The following SPRED2 variants were observed in gnomAD, a reference collection of about 807,000 sequenced individuals.
The protein encoded by SPRED2 is sprouty-related, EVH1 domain-containing protein 2.
SPRED2 carries 47 observed loss-of-function variants against 43.0 expected under a neutral mutation model. The ratio of observed to expected loss-of-function variants is 1.09; its 90% CI spans 0.87 to 1.40. The LOEUF (loss-of-function observed/expected upper bound fraction) is 1.40. Ranked by LOEUF, SPRED2 falls within the 40% of genes most tolerant of loss-of-function variation. SPRED2 has a pLI of 0.00. For synonymous variants in SPRED2, 225 were observed against 225.7 expected, an observed-to-expected ratio of 1.00 and a Z score of 0.03; for missense variants, 561 against 586.4, an observed-to-expected ratio of 0.96 and a Z score of 0.45.
At position 65,311,915 on chromosome 2, in the gene SPRED2, A is replaced by G. The variant is rs537471380; in HGVS notation, c.*1586T>C. On this transcript the variant is annotated 3_prime_UTR_variant, in exon 6 of 6. Coordinates refer to ENST00000356388, the MANE Select transcript of SPRED2 (RefSeq NM_181784.3). ...CTTGAAGACTGGTGTCCTGTGTGCA[A>G]TAAAGAAGGAGTGGGGAAAGGGAGT... 194 of 985,412 alleles carry G rather than the reference A, an allele frequency of 2.0e-4. 1 individual carries two copies. In the South Asian group the frequency reaches 7.7e-3, roughly 39 times the overall value. 61.0% of individuals were successfully genotyped at this position (985,412 alleles called of 1,614,324 possible). A position where few individuals can be genotyped will look rare whatever the true frequency, so the allele number is the denominator to read the frequency against.
At chr2:65,407,187 A>C (rs565150848) in intron 1 of SPRED2, among the ~76,000 whole-genome samples, 1 of 150,332 alleles carries the variant, frequency 6.7e-6, no homozygotes, top group South Asian at 2.1e-4. Context: ...TTGGCCTCCC[A>C]AAGTGCTGGA....
At chr2:65,394,412 C>CA (rs1443839447) in intron 1 of SPRED2, among the ~76,000 whole-genome samples, 1 of 152,162 alleles carries the variant, frequency 6.6e-6, no homozygotes, top group Non-Finnish European at 1.5e-5. Flanking sequence ...TGGACAGGAA[C>CA]AAGGGCTTAA....
chr2:65,387,626 TAG>T (rs1491301191), intron 1 of SPRED2, among the ~76,000 whole-genome samples: 1 of 152,184 alleles, frequency 6.6e-6, no homozygotes, highest in African/African-American at 2.4e-5. Context: ...GAAGATACTA[TAG>T]AGTTTGGTTA....
chr2:65,347,727 T>G (rs1372847766), intron 1 of SPRED2, among the ~76,000 whole-genome samples: 1 of 152,190 alleles, frequency 6.6e-6, no homozygotes, highest in Admixed American at 6.5e-5. Flanking sequence ...TTCAGGCCAG[T>G]AGAACCAAGG....
rs139533024 is a variant in SPRED2 at position 65,334,616 on chromosome 2, T to C, written c.362A>G (p.Asp121Gly). 3.1e-6 allele frequency: 5 copies of C among 1,614,060 alleles called. No individual in the cohort carries two copies. The African/African-American group carries it at 6.7e-5, about 22-fold the overall frequency. Residue 121 changes from aspartate (D) to glycine (G), a missense_variant, in exon 3 of 6, where the codon GAC (aspartate) becomes GGC (glycine). This residue lies in a region of SPRED2 where 305 missense variants were observed against 282.4 expected (regional missense o/e 1.08). Coordinates refer to ENST00000356388, the MANE Select transcript of SPRED2 (RefSeq NM_181784.3). ...GACAAGTTCAATACCTTCTATAAGGTCTTCGATTGCTTTCCTTACTCCCCT... is the reference window on the plus strand; with the variant it reads ...GACAAGTTCAATACCTTCTATAAGGCCTTCGATTGCTTTCCTTACTCCCCT... ...FDRGVRKAIE[D>G]LIEGSTTSSS... is the part of the protein sequence containing the mutation.
At chr2:65,326,851 T>C (rs185626724) in intron 4 of SPRED2, among the ~76,000 whole-genome samples, 67 of 152,230 alleles carry the variant, frequency 4.4e-4, no homozygotes, top group African/African-American at 1.5e-3. Context: ...AAAAACAATT[T>C]TTTTTTTGAG....
intron 1 of SPRED2, among the ~76,000 whole-genome samples, chr2:65,401,578 G>C: frequency 6.6e-6 from 1 of 151,588 alleles, no homozygotes. Flanking sequence ...GGCAGATCAT[G>C]AGGCCAGGAG....
intron 1 of SPRED2, chr2:65,380,698 G>A (rs1675351968): frequency 6.6e-6 from 1 of 152,118 alleles, no homozygotes; most frequent in African/African-American, 2.4e-5. Context: ...TTCTGAAAAT[G>A]TTTCCAGTAA....
At chr2:65,332,148 C>A (rs1304772185) in intron 3 of SPRED2, 97 bp from the exon 4 acceptor site, 4 of 700,670 alleles carry the variant, frequency 5.7e-6, no homozygotes, top group Non-Finnish European at 9.2e-6. Flanking sequence ...ACATTCCATT[C>A]TTTTTGCATG....
chr2:65,386,780 G>A (rs1277611447), intron 1 of SPRED2, among the ~76,000 whole-genome samples: 1 of 152,022 alleles, frequency 6.6e-6, no homozygotes, highest in African/African-American at 2.4e-5. Flanking sequence ...AGAAGTCTTG[G>A]GCATAAAAGC....
At chr2:65,416,051 G>C (rs1676264816) in intron 1 of SPRED2, among the ~76,000 whole-genome samples, 2 of 152,330 alleles carry the variant, frequency 1.3e-5, no homozygotes, top group South Asian at 4.1e-4. Flanking sequence ...ATACTGCCCA[G>C]GTTGGTTGCA....
intron 1 of SPRED2, among the ~76,000 whole-genome samples, chr2:65,362,749 T>G (rs1281467914): frequency 6.6e-6 from 1 of 151,890 alleles, no homozygotes; most frequent in African/African-American, 2.4e-5. Flanking sequence ...TCCTAGCTAC[T>G]TGGGAGGCTG....
chr2:65,401,810 T>A (rs559175516), intron 1 of SPRED2, among the ~76,000 whole-genome samples: 174 of 150,558 alleles, frequency 1.2e-3, no homozygotes, highest in African/African-American at 4.2e-3. Flanking sequence ...AAAAAATAAA[T>A]AAATAAATAA....
intron 5 of SPRED2, 58 bp downstream of exon 5, chr2:65,316,676 C>T: frequency 6.4e-7 from 1 of 1,556,004 alleles, no homozygotes; most frequent in East Asian, 2.3e-5. Flanking sequence ...GGAAAGAGGC[C>T]ATTCCAGAAT....
intron 1 of SPRED2, among the ~76,000 whole-genome samples, chr2:65,405,856 G>A (rs1327395135): frequency 6.6e-6 from 1 of 151,960 alleles, no homozygotes; most frequent in Non-Finnish European, 1.5e-5. Context: ...ACTCCTATTT[G>A]AGAAGACCCG....
At position 65,316,019 on chromosome 2, in the gene SPRED2, T is replaced by C. The variant is rs1673222046; in HGVS notation, c.588+715A>G. Among the ~76,000 whole-genome samples, 5 of 152,208 alleles carry C rather than the reference T, an allele frequency of 3.3e-5. No homozygotes were observed. In the South Asian group the frequency reaches 1.0e-3, roughly 32 times the overall value. ...AAATATTAGGAAGCACAATCTAAAA[T>C]AATTTTTTTAAAAAGAGTCAAATAA... is the stretch of plus-strand genomic sequence containing the variant. On this transcript the variant is annotated intron_variant, in intron 5 of 5. Transcript: ENST00000356388.
At chr2:65,346,877 T>C (rs190277598) in intron 1 of SPRED2, among the ~76,000 whole-genome samples, 1 of 152,184 alleles carries the variant, frequency 6.6e-6, no homozygotes, top group East Asian at 1.9e-4. Flanking sequence ...ACTCTCCATC[T>C]CTCCACCATG....
chr2:65,325,892 A>G (rs906993729), intron 4 of SPRED2, among the ~76,000 whole-genome samples: 4 of 152,150 alleles, frequency 2.6e-5, no homozygotes, highest in Admixed American at 2.0e-4. Flanking sequence ...CTGAGGCAGG[A>G]GAATCACTTG....
chr2:65,339,412 A>C (rs978201616), intron 2 of SPRED2, among the ~76,000 whole-genome samples: 2 of 151,290 alleles, frequency 1.3e-5, no homozygotes, highest in African/African-American at 4.9e-5. Context: ...GATCCTGTTG[A>C]TCTATGACCT....
Sources: allele counts gnomAD v4.1 joint callset (sites outside exome capture counted in the v4.1 genomes callset), GRCh38; gene constraint gnomAD v4.1.1; regional missense constraint gnomAD v4.1.1; transcripts MANE v1.5; gene names NCBI Gene and HGNC (gene_info 2026-07-23, HGNC 2026-07-21).